The following NEO1 variants were observed in gnomAD, a reference collection of about 807,000 sequenced individuals.
The protein encoded by NEO1 is neogenin 1.
A neutral mutation model predicts 159.7 loss-of-function variants in NEO1; 63 were observed. The observed-to-expected ratio is 0.39, with a 90% CI of 0.32 to 0.49. The LOEUF is 0.49. NEO1 is among the 20% of genes least tolerant of loss of function. The pLI, the probability that NEO1 is intolerant of heterozygous loss-of-function variation, is 0.85. For missense variants in NEO1, 1,615 were observed against 1,831.0 expected (o/e 0.88, Z 2.15); for synonymous variants, 633 against 662.0 (o/e 0.96, Z 0.67).
In NEO1 at chr15:73,289,186, G is replaced by C; in HGVS notation, c.3690G>C (p.Arg1230Ser). ...SEDSMSTLAG[R>S]RGMRPKMMMP... Reference sequence around the variant, plus strand: ...ACAGCATGTCTACACTGGCTGGAAGGCGAGGAATGAGACCAAAAATGATGA... The same window carrying C: ...ACAGCATGTCTACACTGGCTGGAAGCCGAGGAATGAGACCAAAAATGATGA... The change falls in exon 25 of 29, where the codon AGG becomes AGC. Residue 1230 changes from arginine (R) to serine (S), a missense_variant. Transcript: ENST00000261908. The C allele has an allele frequency of 1.2e-6, 2 of 1,614,110 alleles. No individual in the cohort carries two copies. Among genetic ancestry groups the C allele is most frequent in the South Asian group, 2.2e-5 (2 of 91,068 alleles).
intron 26 of NEO1, among the ~76,000 whole-genome samples, chr15:73,295,277 G>A (rs541083781): frequency 3.7e-4 from 56 of 151,856 alleles, no homozygotes; most frequent in African/African-American, 1.4e-3. Flanking sequence ...TACAGACATA[G>A]TCTCAAATAG....
At chr15:73,102,054 TC>T (rs2070430169) in intron 1 of NEO1, among the ~76,000 whole-genome samples, 2 of 152,110 alleles carry the variant, frequency 1.3e-5, no homozygotes, top group Admixed American at 1.3e-4. Context: ...TCAGGCCCCA[TC>T]CTAGAACTAC....
intron 7 of NEO1, among the ~76,000 whole-genome samples, chr15:73,210,007 A>G (rs1371392059): frequency 6.6e-6 from 1 of 152,154 alleles, no homozygotes; most frequent in African/African-American, 2.4e-5. Context: ...CTGTCTAAAA[A>G]AACGAAAAAA....
At chr15:73,262,573 A>G (rs1479306587) in intron 15 of NEO1, among the ~76,000 whole-genome samples, 1 of 152,216 alleles carries the variant, frequency 6.6e-6, no homozygotes, top group Non-Finnish European at 1.5e-5. Context: ...CACACCCGCT[A>G]GAATTGCTAA....
At chr15:73,289,294 G>C (rs1274951587) in intron 25 of NEO1, 56 bp downstream of exon 25, 10 of 1,378,446 alleles carry the variant, frequency 7.3e-6, no homozygotes, top group South Asian at 1.2e-5. Flanking sequence ...TCATGTAGGG[G>C]AACAACTATG....
intron 27 of NEO1, 145 bp downstream of exon 27, chr15:73,298,756 T>A: frequency 8.5e-7 from 1 of 1,174,294 alleles, no homozygotes. Flanking sequence ...AGCGTAGCAG[T>A]GTGCCATTGC....
intron 1 of NEO1, among the ~76,000 whole-genome samples, chr15:73,074,331 A>G (rs907826333): frequency 6.6e-6 from 1 of 152,146 alleles, no homozygotes; most frequent in Non-Finnish European, 1.5e-5. Context: ...TATCTAGTTT[A>G]TTTATCAAGA....
intron 13 of NEO1, 59 bp from the exon 14 acceptor site, chr15:73,258,707 T>C (rs2040479096): frequency 2.1e-6 from 3 of 1,407,716 alleles, no homozygotes; most frequent in Non-Finnish European, 3.0e-6. Flanking sequence ...GAGGGATTAT[T>C]AATCTTTTGT....
chr15:73,104,176 A>T (rs1365867460), intron 1 of NEO1, among the ~76,000 whole-genome samples: 1 of 152,184 alleles, frequency 6.6e-6, no homozygotes, highest in African/African-American at 2.4e-5. Context: ...TATTATTTTA[A>T]AGAGCCCTTC....
chr15:73,258,513 G>A (rs1400972591), intron 13 of NEO1, among the ~76,000 whole-genome samples: 2 of 152,154 alleles, frequency 1.3e-5, no homozygotes, highest in East Asian at 3.9e-4. Context: ...ACAAAAGTCT[G>A]TAATCTCCTG....
At chr15:73,160,202 C>T (rs1263061036) in intron 5 of NEO1, among the ~76,000 whole-genome samples, 1 of 152,138 alleles carries the variant, frequency 6.6e-6, no homozygotes, top group Admixed American at 6.5e-5. Flanking sequence ...CCCCAAAACA[C>T]CAAACTGTTG....
At chr15:73,059,830 G>A (rs2067892277) in intron 1 of NEO1, among the ~76,000 whole-genome samples, 1 of 152,152 alleles carries the variant, frequency 6.6e-6, no homozygotes, top group African/African-American at 2.4e-5. Flanking sequence ...GTGTTTGAAT[G>A]TATGAGAATG....
chr15:73,102,954 C>T (rs1385534896), intron 1 of NEO1, among the ~76,000 whole-genome samples: 1 of 152,204 alleles, frequency 6.6e-6, no homozygotes, highest in East Asian at 1.9e-4. Flanking sequence ...ATCGTCCAAG[C>T]TAGAAACTTG....
intron 1 of NEO1, among the ~76,000 whole-genome samples, chr15:73,058,236 A>G (rs1159381038): frequency 1.3e-5 from 2 of 152,296 alleles, no homozygotes; most frequent in African/African-American, 2.4e-5. Flanking sequence ...ACTTCCAGGC[A>G]TTGTGCCATG....
At position 73,244,364 on chromosome 15, in the gene NEO1, G is replaced by A. The variant is rs780965051; in HGVS notation, c.1472G>A (p.Ser491Asn). The A allele has an allele frequency of 4.3e-6, 7 of 1,613,266 alleles. No individual in the cohort carries two copies. In the Admixed American group the frequency reaches 1.2e-4, roughly 27 times the overall value. ...GIARERVENTSHPGEMQVTIQ... is the reference protein window; with the variant it reads ...GIARERVENTNHPGEMQVTIQ... ...TAAAGGGAACGTGTTGAGAATACCA[G>A]TCACCCAGGAGAGATGCAAGTAACC... The change falls in exon 9 of 29, where the codon AGT (serine) becomes AAT (asparagine). Residue 491 changes from serine to asparagine, a missense_variant. Ser to Asn is a conservative substitution (Grantham distance 46, BLOSUM62 1). Transcript: ENST00000261908.
At position 73,302,086 on chromosome 15, in the gene NEO1, G is replaced by A. The variant is rs576903192; in HGVS notation, c.4303-527G>A. On this transcript the variant is annotated intron_variant, in intron 28 of 28. Transcript: ENST00000261908. ...TCCCTTCTGTCATTGTTCTTTTCTT[G>A]GTTTGAACCATCCATACATTCCCTC... Among the ~76,000 whole-genome samples, 70 of 152,270 alleles carry A rather than the reference G, an allele frequency of 4.6e-4. 1 individual carries two copies. The highest frequency in any genetic ancestry group is 2.7e-3 in the Admixed American group (42 of 15,296).
chr15:73,208,602 C>T (rs2037369856), intron 7 of NEO1, among the ~76,000 whole-genome samples: 1 of 152,154 alleles, frequency 6.6e-6, no homozygotes, highest in African/African-American at 2.4e-5. Context: ...TGACTCATGC[C>T]TGTAATCCCA....
Position 73,162,879 on chromosome 15 carries a change from A to G in NEO1, c.1016-13524A>G, listed in dbSNP as rs567331030. 3 of 184,626 alleles carry G rather than the reference A, an allele frequency of 1.6e-5. No individual in the cohort carries two copies. The South Asian group carries it at 3.7e-4, about 23-fold the overall frequency. 11.4% of individuals were successfully genotyped at this position (184,626 alleles called of 1,614,324 possible). On this transcript the variant is annotated intron_variant, in intron 5 of 28. Transcript: ENST00000261908. The stretch of plus-strand genomic sequence containing the variant: ...GTCAGCCTTTGGTTCACAATGAAAA[A>G]CATGGTCCTCAGGCCTCAGGGGCTC...
intron 7 of NEO1, among the ~76,000 whole-genome samples, chr15:73,193,550 CT>C (rs2036356066): frequency 6.7e-6 from 1 of 149,858 alleles, no homozygotes; most frequent in Admixed American, 6.7e-5. Flanking sequence ...AGTGTTATTA[CT>C]TACTGACAAG....
Sources: gnomAD v4.1 joint callset for allele counts (sites outside exome capture counted in the v4.1 genomes callset) on GRCh38, gnomAD v4.1.1 for gene constraint, MANE v1.5 for transcripts, NCBI Gene and HGNC (gene_info 2026-07-23, HGNC 2026-07-21) for gene names.